Variants in SCIMP observed in about 807,000 individuals in gnomAD.
The protein encoded by SCIMP is SLP adapter and CSK-interacting membrane protein.
In SCIMP, 18 loss-of-function variants were observed where a neutral mutation model predicts 22.0. The observed-to-expected ratio is 0.82, with a 90% CI of 0.56 to 1.21. The LOEUF (loss-of-function observed/expected upper bound fraction) is 1.21, where lower values mean the gene tolerates loss of function less well. SCIMP is among the 50% of genes most tolerant of loss of function. The pLI is 0.00. For missense variants in SCIMP, 155 were observed against 171.2 expected, an observed-to-expected ratio of 0.91 and a Z score of 0.53; for synonymous variants, 53 against 62.2, an observed-to-expected ratio of 0.85 and a Z score of 0.70.
chr17:5,229,905 G>GTCCTCTCCTCTCTCCTTTCTCCTC (rs1199944643), intron 1 of SCIMP, among the ~76,000 whole-genome samples: 2 of 142,150 alleles, frequency 1.4e-5, no homozygotes, highest in Non-Finnish European at 3.0e-5. Context: ...CTCCTCTCCG[G>GTCCTCTCCTCTCTCCTTTCTCCTC]TCCTCTCCTC....
chr17:5,211,524 CA>C (rs34444793), intron 4 of SCIMP, among the ~76,000 whole-genome samples: 285 of 132,516 alleles, frequency 2.2e-3, no homozygotes, highest in Middle Eastern at 3.7e-3. Context: ...ACCCTGTCTC[CA>C]AAAAAAAAAA....
intron 1 of SCIMP, among the ~76,000 whole-genome samples, chr17:5,230,553 C>T (rs572532074): frequency 6.0e-4 from 92 of 152,178 alleles, no homozygotes; most frequent in Non-Finnish European, 1.0e-3. Flanking sequence ...GGAGTGAACC[C>T]GAGGGCTAGA....
At chr17:5,225,083 A>C (rs1049098643) in intron 1 of SCIMP, among the ~76,000 whole-genome samples, 1 of 152,230 alleles carries the variant, frequency 6.6e-6, no homozygotes, top group African/African-American at 2.4e-5. Flanking sequence ...AGGCGTTTCT[A>C]GGACAGTAAT....
Position 5,215,002 on chromosome 17 carries a change from GAGAGAGAGAA to G in SCIMP, c.210-14_210-5del, listed in dbSNP as rs2074555667. 1 of 1,594,032 alleles carries G rather than the reference GAGAGAGAGAA, an allele frequency of 6.3e-7. No homozygotes were observed. Among genetic ancestry groups the G allele is most frequent in the Non-Finnish European group, 8.6e-7 (1 of 1,162,008 alleles). Reference sequence around the variant, plus strand: ...TGGCGACTCATTAAGAACATTCCTAGAGAGAGAGAAAGAGAGAGAATCAGTGTTTGGTTTG... The same window carrying G: ...TGGCGACTCATTAAGAACATTCCTAGAGAGAGAGAATCAGTGTTTGGTTTG... On this transcript the variant is annotated splice_region_variant and splice_polypyrimidine_tract_variant and intron_variant, in intron 3 of 4. Transcript: ENST00000574081.
chr17:5,216,928 C>CT (rs2074569560), intron 3 of SCIMP, among the ~76,000 whole-genome samples: 1 of 152,142 alleles, frequency 6.6e-6, no homozygotes, highest in African/African-American at 2.4e-5. Flanking sequence ...AAGATAAACT[C>CT]TAAGAAAACT....
At chr17:5,234,597 C>T (rs536020125) in intron 1 of SCIMP, 138 bp downstream of exon 1, 12 of 850,582 alleles carry the variant, frequency 1.4e-5, no homozygotes, top group Admixed American at 8.6e-5. Context: ...ACACAGCAGT[C>T]GTACCAGGGC....
intron 4 of SCIMP, chr17:5,214,540 A>C (rs7503140): frequency 0.074 from 12,619 of 170,880 alleles, 538 homozygotes; most frequent in Middle Eastern, 0.12. Context: ...TGGGGGACAG[A>C]GCGAGACTCC....
chr17:5,211,143 GA>G (rs2074523350), intron 4 of SCIMP, among the ~76,000 whole-genome samples, 188 bp from the exon 5 acceptor site: 1 of 152,190 alleles, frequency 6.6e-6, no homozygotes, highest in Admixed American at 6.5e-5. Context: ...TGAGTAACTG[GA>G]AAATATTAGT....
intron 1 of SCIMP, among the ~76,000 whole-genome samples, chr17:5,231,665 G>A (rs571857574): frequency 1.7e-4 from 26 of 152,186 alleles, no homozygotes; most frequent in African/African-American, 5.8e-4. Flanking sequence ...TCCCATAAAC[G>A]TCTCTAAACC....
At chr17:5,229,169 G>GA (rs919234075) in intron 1 of SCIMP, among the ~76,000 whole-genome samples, 35 of 152,094 alleles carry the variant, frequency 2.3e-4, no homozygotes, top group African/African-American at 8.2e-4. Flanking sequence ...CATTTTCAAG[G>GA]AACATGAGTG....
chr17:5,216,787 T>TA (rs2144314221), intron 3 of SCIMP, among the ~76,000 whole-genome samples: 1 of 152,346 alleles, frequency 6.6e-6, no homozygotes, highest in Non-Finnish European at 1.5e-5. Flanking sequence ...GAAGTGCTGG[T>TA]AACGTCCTAT....
chr17:5,218,653 A>T (rs1348673668), intron 3 of SCIMP, among the ~76,000 whole-genome samples: 1 of 152,028 alleles, frequency 6.6e-6, no homozygotes, highest in Non-Finnish European at 1.5e-5. Context: ...TTTTATTCTT[A>T]AAAAAGGCAA....
At chr17:5,219,682 A>G (rs1165065236) in intron 3 of SCIMP, among the ~76,000 whole-genome samples, 1 of 152,176 alleles carries the variant, frequency 6.6e-6, no homozygotes, top group African/African-American at 2.4e-5. Flanking sequence ...GGGCCACACC[A>G]GATAGTTTAT....
intron 1 of SCIMP, among the ~76,000 whole-genome samples, chr17:5,231,335 G>C (rs2074692332): frequency 1.3e-5 from 2 of 151,048 alleles, no homozygotes; most frequent in African/African-American, 4.9e-5. Flanking sequence ...ACTCCAGCCT[G>C]AGTGACGAGA....
rs61111089 is a variant in SCIMP at position 5,213,008 on chromosome 17, C to CTTTGAGGTGGTAACTTCTTTTTTTTTT, written c.283+1916_283+1917insAAAAAAAAAAGAAGTTACCACCTCAAA. On this transcript the variant is annotated intron_variant, in intron 4 of 4. Transcript: ENST00000574081. ...TAGGTTGAGTGGACAGAGAGGGCCT[C>CTTTGAGGTGGTAACTTCTTTTTTTTTT]TTTGAGGTGGTAACTTCTGAGCTGA... 34 of 278,828 alleles carry CTTTGAGGTGGTAACTTCTTTTTTTTTT rather than the reference C, an allele frequency of 1.2e-4. 1 individual carries two copies. Among genetic ancestry groups the CTTTGAGGTGGTAACTTCTTTTTTTTTT allele is most frequent in the Admixed American group, 1.5e-4 (2 of 13,444 alleles). The allele number at this position is 278,828 out of a possible 1,614,324, so 17.3% of individuals were successfully genotyped here. A position where few individuals can be genotyped will look rare whatever the true frequency, so the allele number is the denominator to read the frequency against.
intron 1 of SCIMP, among the ~76,000 whole-genome samples, chr17:5,231,630 A>G (rs925828508): frequency 6.6e-5 from 10 of 152,156 alleles, no homozygotes; most frequent in African/African-American, 2.4e-4. Flanking sequence ...CACCTTCCCC[A>G]CACCTTAGGC....
Position 5,214,958 on chromosome 17 carries a change from G to A in SCIMP, c.250C>T (p.Pro84Ser). 1 of 1,609,876 alleles carries A rather than the reference G, an allele frequency of 6.2e-7. No individual in the cohort carries two copies. The change falls in exon 4 of 5, where the codon CCA becomes TCA. Residue 84 changes from proline to serine, a missense_variant. By Grantham distance (74) the Pro-to-Ser change is moderately conservative. Transcript: ENST00000574081. Reference protein sequence around the residue: ...NESPVQLPPLPPRNWPSLEDS... With the variant: ...NESPVQLPPLSPRNWPSLEDS... ...TCTAGAGAAGGCCAATTCCTCGGTG[G>A]CAGAGGCGGTAATTGAACTGGCGAC...
chr17:5,221,016 C>T (rs1250858968), intron 3 of SCIMP: 16 of 544,068 alleles, frequency 2.9e-5, no homozygotes, highest in Non-Finnish European at 5.5e-5. Context: ...CGAGATCGTG[C>T]CAATGCACTC....
rs143402791 is a variant in SCIMP, at chr17:5,218,683, C to T, written c.209+2604G>A. Among the ~76,000 whole-genome samples the T allele has an allele frequency of 7.6e-4, 115 of 152,288 alleles. 1 individual carries two copies. Among genetic ancestry groups the T allele is most frequent in the African/African-American group, 2.6e-3 (110 of 41,556 alleles). On this transcript the variant is annotated intron_variant, in intron 3 of 4. Transcript: ENST00000574081. ...AGGCAATATTTAGTCACCTGACTGCCTGACACATTTGTCTTATTCTTGAAA... is the reference window on the plus strand; with the variant it reads ...AGGCAATATTTAGTCACCTGACTGCTTGACACATTTGTCTTATTCTTGAAA...
Sources: gnomAD v4.1 joint callset for allele counts (sites outside exome capture counted in the v4.1 genomes callset) on GRCh38, gnomAD v4.1.1 for gene constraint, MANE v1.5 for transcripts, NCBI Gene and HGNC (gene_info 2026-07-23, HGNC 2026-07-21) for gene names.